NPFFR2: variants seen among roughly 807,000 people sequenced by gnomAD.
NPFFR2 encodes the protein neuropeptide FF receptor 2, also known as G-protein coupled receptor 74.
A neutral mutation model predicts 13.1 loss-of-function variants in NPFFR2; 15 were observed. That is an observed-to-expected ratio of 1.15 (90% CI 0.77 to 1.76). The LOEUF is 1.76. Among genes scored for constraint, NPFFR2 ranks in the 40% most tolerant of loss-of-function variants. The pLI, the probability that NPFFR2 is intolerant of heterozygous loss-of-function variation, is 0.00. For missense variants in NPFFR2, 572 were observed against 503.5 expected (o/e 1.14, Z -1.30); for synonymous variants, 190 against 175.7 (o/e 1.08, Z -0.65).
chr4:72,076,670 A>T (rs535173028), intron 1 of NPFFR2, among the ~76,000 whole-genome samples: 1 of 152,244 alleles, frequency 6.6e-6, no homozygotes, highest in Non-Finnish European at 1.5e-5. Context: ...TTTCTTCAGG[A>T]TGATTAAGAG....
intron 1 of NPFFR2, among the ~76,000 whole-genome samples, chr4:72,102,494 T>C (rs988042675): frequency 6.6e-6 from 1 of 151,484 alleles, no homozygotes; most frequent in Non-Finnish European, 1.5e-5. Flanking sequence ...GTCATTTACA[T>C]TAGGTATATC....
intron 1 of NPFFR2, among the ~76,000 whole-genome samples, chr4:72,058,986 T>C (rs959504371): frequency 2.0e-5 from 3 of 152,076 alleles, no homozygotes; most frequent in Non-Finnish European, 4.4e-5. Context: ...TACTTCTTTG[T>C]TGTTGAGGAT....
chr4:72,045,253 C>T (rs1036344043), intron 1 of NPFFR2, among the ~76,000 whole-genome samples: 2 of 152,108 alleles, frequency 1.3e-5, no homozygotes, highest in African/African-American at 4.8e-5. Flanking sequence ...AGTGAGATTG[C>T]AGGATTGAAT....
In NPFFR2 at chr4:72,136,133, A is replaced by T. The variant is rs951529323; in HGVS notation, c.329-1907A>T. ...CACTTGGGGAGGCCAAGATGAGAGG[A>T]TTACTTGAGCCTAGGAGTTCAAAAC... On this transcript the variant is annotated intron_variant, in intron 2 of 3. Transcript: ENST00000308744. Among the ~76,000 whole-genome samples the T allele has an allele frequency of 7.2e-5, 11 of 152,082 alleles. 1 individual carries two copies. The highest frequency in any genetic ancestry group is 5.2e-4 in the Admixed American group (8 of 15,248).
chr4:72,122,502 G>A (rs1452762160), intron 1 of NPFFR2, among the ~76,000 whole-genome samples: 3 of 152,184 alleles, frequency 2.0e-5, no homozygotes, highest in Non-Finnish European at 2.9e-5. Context: ...ATAATTGGAA[G>A]TAAAATACTC....
intron 1 of NPFFR2, among the ~76,000 whole-genome samples, chr4:72,044,749 T>TTA (rs200050173): frequency 2.8e-5 from 2 of 71,936 alleles, no homozygotes; most frequent in Admixed American, 1.2e-4. Flanking sequence ...GGGATTATTA[T>TTA]TTTTTTTTCT....
At chr4:72,116,741 G>A (rs74945285) in intron 1 of NPFFR2, among the ~76,000 whole-genome samples, 2 of 152,056 alleles carry the variant, frequency 1.3e-5, no homozygotes, top group Non-Finnish European at 2.9e-5. Context: ...GCATTCGTTT[G>A]ATTAAATCTT....
intron 1 of NPFFR2, among the ~76,000 whole-genome samples, chr4:72,094,949 C>T (rs1024802478): frequency 1.3e-5 from 2 of 152,174 alleles, no homozygotes; most frequent in Admixed American, 6.5e-5. Context: ...TGCCTCCTAT[C>T]TGCCGTTTTC....
intron 1 of NPFFR2, among the ~76,000 whole-genome samples, chr4:72,076,574 C>T (rs187675815): frequency 5.9e-5 from 9 of 152,174 alleles, no homozygotes; most frequent in Admixed American, 5.9e-4. Flanking sequence ...TTAGCAAGTA[C>T]AGATTCAGTG....
intron 2 of NPFFR2, among the ~76,000 whole-genome samples, chr4:72,132,574 A>G (rs1023281659): frequency 2.0e-5 from 3 of 152,144 alleles, no homozygotes; most frequent in Non-Finnish European, 4.4e-5. Flanking sequence ...GCATTGCCAC[A>G]TTGTCCTCCA....
intron 1 of NPFFR2, among the ~76,000 whole-genome samples, chr4:72,034,734 G>C (rs1354589517): frequency 6.6e-6 from 1 of 152,076 alleles, no homozygotes; most frequent in Non-Finnish European, 1.5e-5. Context: ...TTTTGGATAA[G>C]TTGGTTCTTA....
At chr4:72,097,646 C>A (rs1331615581) in intron 1 of NPFFR2, among the ~76,000 whole-genome samples, 1 of 152,134 alleles carries the variant, frequency 6.6e-6, no homozygotes, top group African/African-American at 2.4e-5. Flanking sequence ...ATTTAAACTG[C>A]ACTTTCACAT....
intron 2 of NPFFR2, among the ~76,000 whole-genome samples, chr4:72,133,148 T>C (rs1279899974): frequency 2.0e-5 from 3 of 152,206 alleles, no homozygotes; most frequent in African/African-American, 7.2e-5. Flanking sequence ...TACCTTTAAG[T>C]CCTTAATCCA....
chr4:72,071,847 C>T (rs1041776693), intron 1 of NPFFR2, among the ~76,000 whole-genome samples: 29 of 152,098 alleles, frequency 1.9e-4, no homozygotes, highest in Admixed American at 1.9e-3. Context: ...ACTGCCAGGG[C>T]CAATGACTTC....
chr4:72,079,087 C>CACACACACAT (rs1553890218), intron 1 of NPFFR2, among the ~76,000 whole-genome samples: 3,390 of 143,232 alleles, frequency 0.024, 122 homozygotes, highest in African/African-American at 0.081. Flanking sequence ...CACACACACA[C>CACACACACAT]ATCTGTTGAA....
At chr4:72,112,839 T>C (rs1339058704) in intron 1 of NPFFR2, among the ~76,000 whole-genome samples, 2 of 151,904 alleles carry the variant, frequency 1.3e-5, no homozygotes, top group African/African-American at 4.8e-5. Flanking sequence ...TTTACCCCTC[T>C]CAGGAGAGGG....
At chr4:72,047,399 A>G (rs1279793769) in intron 1 of NPFFR2, among the ~76,000 whole-genome samples, 1 of 152,116 alleles carries the variant, frequency 6.6e-6, no homozygotes, top group Non-Finnish European at 1.5e-5. Context: ...AGCATCCTCC[A>G]TGGGCTCACT....
rs1043279292 is a variant in NPFFR2 at position 72,137,424 on chromosome 4, A to G, written c.329-616A>G. Among the ~76,000 whole-genome samples the G allele has an allele frequency of 2.6e-5, 4 of 152,182 alleles. No individual in the cohort carries two copies. In the East Asian group the frequency reaches 5.8e-4, roughly 22 times the overall value. On this transcript the variant is annotated intron_variant, in intron 2 of 3. Coordinates refer to ENST00000308744, the MANE Select transcript of NPFFR2 (RefSeq NM_004885.3). Reference sequence around the variant, plus strand: ...ATAAACTTTACAGTAGCTAAGGTTTAGTAGGAAAGTAATACTTTTGTTCAT... The same window carrying G: ...ATAAACTTTACAGTAGCTAAGGTTTGGTAGGAAAGTAATACTTTTGTTCAT...
At chr4:72,059,873 G>C (rs1433298623) in intron 1 of NPFFR2, among the ~76,000 whole-genome samples, 1 of 152,064 alleles carries the variant, frequency 6.6e-6, no homozygotes, top group Non-Finnish European at 1.5e-5. Context: ...TTGTGGCCCA[G>C]AATTAACTTG....
Sources: allele counts gnomAD v4.1 joint callset (sites outside exome capture counted in the v4.1 genomes callset), GRCh38; gene constraint gnomAD v4.1.1; transcripts MANE v1.5; gene names NCBI Gene and HGNC (gene_info 2026-07-23, HGNC 2026-07-21).